Variants in PHACTR1 observed in about 807,000 individuals in gnomAD.
The protein encoded by PHACTR1 is phosphatase and actin regulator 1.
PHACTR1 carries 16 observed loss-of-function variants against 69.2 expected under a neutral mutation model. The ratio of observed to expected loss-of-function variants is 0.23; its 90% confidence interval spans 0.16 to 0.35. PHACTR1 has a LOEUF of 0.35. Among genes scored for constraint, PHACTR1 ranks in the 10% least tolerant of loss-of-function variants. PHACTR1 has a pLI of 1.00. For synonymous variants in PHACTR1, 312 were observed against 284.5 expected, an observed-to-expected ratio of 1.10 and a Z score of -0.97; for missense variants, 510 against 734.7, an observed-to-expected ratio of 0.69 and a Z score of 3.54.
At chr6:12,868,277 AAG>A (rs1554157375) in intron 4 of PHACTR1, among the ~76,000 whole-genome samples, 3 of 151,308 alleles carry the variant, frequency 2.0e-5, no homozygotes, top group African/African-American at 7.3e-5. Flanking sequence ...AAAAAAAAAA[AAG>A]TTCAGGTGCT....
At chr6:12,753,241 C>T (rs1766839359) in intron 4 of PHACTR1, among the ~76,000 whole-genome samples, 2 of 152,146 alleles carry the variant, frequency 1.3e-5, no homozygotes, top group Non-Finnish European at 2.9e-5. Flanking sequence ...CTTATGAGGT[C>T]GTTCATTCAC....
At position 13,197,370 on chromosome 6, in the gene PHACTR1, G is replaced by A. The variant is rs2113822625; in HGVS notation, c.665-8445G>A. ...TAAGGTCCCCTCAGCACCTTGCATG[G>A]AGCTGTGTAGTTATTAATCTATTTA... On this transcript the variant is annotated intron_variant, in intron 7 of 14. Coordinates refer to ENST00000332995, the MANE Select transcript of PHACTR1 (RefSeq NM_030948.6). Among the ~76,000 whole-genome samples the A allele has an allele frequency of 3.3e-5, 5 of 152,262 alleles. No individual in the cohort carries two copies. In the South Asian group the frequency reaches 1.0e-3, roughly 32 times the overall value.
chr6:13,187,284 A>G (rs1229649830), intron 7 of PHACTR1, among the ~76,000 whole-genome samples: 1 of 152,172 alleles, frequency 6.6e-6, no homozygotes, highest in Non-Finnish European at 1.5e-5. Context: ...TAACACAACT[A>G]CTGTTAGCAG....
intron 12 of PHACTR1, chr6:13,280,733 C>T (rs1388720088): frequency 6.1e-6 from 2 of 328,000 alleles, no homozygotes; most frequent in Admixed American, 8.6e-5. Flanking sequence ...AAAGACATGC[C>T]TGCGGCCAGG....
At chr6:13,079,194 A>G (rs1193775585) in intron 5 of PHACTR1, among the ~76,000 whole-genome samples, 1 of 152,182 alleles carries the variant, frequency 6.6e-6, no homozygotes, top group Admixed American at 6.5e-5. Flanking sequence ...ATGAAGAGGC[A>G]ATGCCAACTC....
chr6:13,048,116 G>A (rs1805365466), intron 4 of PHACTR1, among the ~76,000 whole-genome samples: 1 of 152,146 alleles, frequency 6.6e-6, no homozygotes, highest in Admixed American at 6.5e-5. Context: ...GTCATAAGTG[G>A]GAGCCCAAAC....
chr6:13,221,490 A>G (rs1193357001), intron 8 of PHACTR1, among the ~76,000 whole-genome samples: 2 of 152,120 alleles, frequency 1.3e-5, no homozygotes, highest in Non-Finnish European at 2.9e-5. Context: ...GGGGACCACT[A>G]CTTCTACATA....
intron 5 of PHACTR1, among the ~76,000 whole-genome samples, chr6:13,069,752 A>T (rs1354578939): frequency 6.6e-6 from 1 of 152,206 alleles, no homozygotes. Context: ...TGCTCTGCTC[A>T]TATTACTATG....
chr6:12,933,566 C>T, intron 4 of PHACTR1: 1 of 1,586,576 alleles, frequency 6.3e-7, no homozygotes, highest in Non-Finnish European at 8.6e-7. Flanking sequence ...GGTGATTCTT[C>T]TTGTTATCTC....
intron 7 of PHACTR1, among the ~76,000 whole-genome samples, chr6:13,184,598 T>G (rs370252276): frequency 6.6e-6 from 1 of 152,200 alleles, no homozygotes. Flanking sequence ...ACTCTCTCTC[T>G]TCCTCTGCCT....
At chr6:12,958,953 G>T (rs562573613) in intron 4 of PHACTR1, among the ~76,000 whole-genome samples, 1 of 152,260 alleles carries the variant, frequency 6.6e-6, no homozygotes, top group South Asian at 2.1e-4. Flanking sequence ...AAGGCAGGTG[G>T]ATCACTTGAG....
At position 13,049,640 on chromosome 6, in the gene PHACTR1, G is replaced by A. The variant is rs377385539; in HGVS notation, c.251-3725G>A. 7.2e-5 allele frequency among the ~76,000 whole-genome samples: 11 copies of A among 152,294 alleles called. No homozygotes were observed. The Middle Eastern group carries it at 0.017, about 235-fold the overall frequency. On this transcript the variant is annotated intron_variant, in intron 4 of 14. Transcript: ENST00000332995. The stretch of plus-strand genomic sequence containing the variant: ...ATCCCGGGATGAGTGCTTCTACCAG[G>A]AGTATTTCATTTTGGCTATAACACG...
At chr6:13,116,335 A>G (rs1018043003) in intron 5 of PHACTR1, among the ~76,000 whole-genome samples, 4 of 152,264 alleles carry the variant, frequency 2.6e-5, no homozygotes, top group African/African-American at 9.6e-5. Flanking sequence ...AGTGAGAAGC[A>G]TTGCATGTAA....
intron 10 of PHACTR1, among the ~76,000 whole-genome samples, chr6:13,247,258 C>T (rs1422841805): frequency 6.6e-6 from 1 of 151,942 alleles, no homozygotes; most frequent in African/African-American, 2.4e-5. Flanking sequence ...GTAAATCCAA[C>T]CGTCCTTTCG....
chr6:12,942,240 A>G (rs1474892869), intron 4 of PHACTR1, among the ~76,000 whole-genome samples: 1 of 152,222 alleles, frequency 6.6e-6, no homozygotes, highest in Non-Finnish European at 1.5e-5. Context: ...GTCATTTCCC[A>G]TTAAATATGT....
At chr6:12,957,643 C>G (rs1002400894) in intron 4 of PHACTR1, 1 of 985,454 alleles carries the variant, frequency 1.0e-6, no homozygotes, top group African/African-American at 1.7e-5. Flanking sequence ...TGCCTGCCAA[C>G]TGTTCTGGGC....
chr6:12,844,976 C>T (rs2127748013), intron 4 of PHACTR1, among the ~76,000 whole-genome samples: 1 of 152,210 alleles, frequency 6.6e-6, no homozygotes, highest in Non-Finnish European at 1.5e-5. Context: ...GACAAATTAA[C>T]TGGTTACAGA....
At chr6:12,843,808 G>T (rs1778930490) in intron 4 of PHACTR1, among the ~76,000 whole-genome samples, 1 of 152,186 alleles carries the variant, frequency 6.6e-6, no homozygotes, top group African/African-American at 2.4e-5. Flanking sequence ...AATCAATAAA[G>T]TTCCCTTTAC....
intron 4 of PHACTR1, among the ~76,000 whole-genome samples, chr6:12,800,288 T>C (rs1052150857): frequency 6.6e-6 from 1 of 152,150 alleles, no homozygotes; most frequent in Non-Finnish European, 1.5e-5. Context: ...TATCATTCCA[T>C]ATGTGCAAGA....
Sources: gnomAD v4.1 joint callset for allele counts (sites outside exome capture counted in the v4.1 genomes callset) on GRCh38, gnomAD v4.1.1 for gene constraint, MANE v1.5 for transcripts, NCBI Gene and HGNC (gene_info 2026-07-23, HGNC 2026-07-21) for gene names.